SLC24A3: variants seen among roughly 807,000 people sequenced by gnomAD.
SLC24A3 encodes sodium/potassium/calcium exchanger 3.
A neutral mutation model predicts 75.8 loss-of-function variants in SLC24A3; 28 were observed. That is an observed-to-expected ratio of 0.37 (90% CI 0.27 to 0.51). The LOEUF (loss-of-function observed/expected upper bound fraction) is 0.51. Ranked by LOEUF, SLC24A3 falls within the 20% of genes least tolerant of loss-of-function variation. The pLI is 0.94. For synonymous variants in SLC24A3, 372 were observed against 334.1 expected (o/e 1.11, Z -1.24); for missense variants, 663 against 847.8 (o/e 0.78, Z 2.71).
chr20:19,608,408 T>C (rs111502128), intron 6 of SLC24A3, among the ~76,000 whole-genome samples: 2 of 152,252 alleles, frequency 1.3e-5, no homozygotes, highest in Non-Finnish European at 2.9e-5. Context: ...CCAAATGGAT[T>C]GTACAGACTT....
At chr20:19,683,388 A>G (rs1378907208) in intron 10 of SLC24A3, among the ~76,000 whole-genome samples, 1 of 152,360 alleles carries the variant, frequency 6.6e-6, no homozygotes, top group African/African-American at 2.4e-5. Flanking sequence ...CTGTGTGCAT[A>G]TACAGCTCAT....
chr20:19,470,305 A>C (rs1465190290), intron 2 of SLC24A3, among the ~76,000 whole-genome samples: 2 of 152,178 alleles, frequency 1.3e-5, no homozygotes, highest in Non-Finnish European at 2.9e-5. Context: ...TAGAGATAGG[A>C]GGCTACACAG....
At chr20:19,656,131 G>A (rs765398525) in intron 7 of SLC24A3, among the ~76,000 whole-genome samples, 1 of 152,144 alleles carries the variant, frequency 6.6e-6, no homozygotes, top group South Asian at 2.1e-4. Flanking sequence ...GAACATGAGG[G>A]TTGACGTGAG....
intron 6 of SLC24A3, among the ~76,000 whole-genome samples, chr20:19,586,468 T>C (rs2031297493): frequency 6.6e-6 from 1 of 152,132 alleles, no homozygotes; most frequent in African/African-American, 2.4e-5. Flanking sequence ...AACAGTGCAC[T>C]GTTCTCCTAG....
intron 2 of SLC24A3, among the ~76,000 whole-genome samples, chr20:19,407,631 A>G (rs1986671813): frequency 6.6e-6 from 1 of 152,272 alleles, no homozygotes; most frequent in Non-Finnish European, 1.5e-5. Flanking sequence ...ACATAGAAAG[A>G]AAAGAAAGGA....
chr20:19,304,977 T>A (rs1418752343), intron 2 of SLC24A3, among the ~76,000 whole-genome samples: 3 of 152,208 alleles, frequency 2.0e-5, no homozygotes, highest in African/African-American at 7.2e-5. Context: ...AGTTGTGTTC[T>A]AAATTTAACT....
rs554720513 is a variant in SLC24A3 at position 19,292,268 on chromosome 20, G to A, written c.271+11181G>A. ...ACCCACTTTGCAACAGTCCTGAGGG[G>A]TCCTGCAAACGGAGTCTCAGCTTGT... On this transcript the variant is annotated intron_variant, in intron 2 of 16. Transcript: ENST00000328041. Among the ~76,000 whole-genome samples the A allele has an allele frequency of 1.3e-4, 20 of 152,276 alleles. No individual in the cohort carries two copies. The South Asian group carries it at 3.7e-3, about 28-fold the overall frequency.
At chr20:19,335,352 T>C (rs1985106724) in intron 2 of SLC24A3, among the ~76,000 whole-genome samples, 2 of 152,224 alleles carry the variant, frequency 1.3e-5, no homozygotes, top group South Asian at 4.1e-4. Context: ...CAGATAGGAC[T>C]TTGTGTGCTC....
intron 7 of SLC24A3, among the ~76,000 whole-genome samples, chr20:19,657,037 G>A (rs11696164): frequency 0.33 from 49,677 of 152,068 alleles, 8,404 homozygotes; most frequent in African/African-American, 0.38. Context: ...AAACCCCAGA[G>A]CTGAGCTAGC....
intron 6 of SLC24A3, among the ~76,000 whole-genome samples, chr20:19,646,859 G>T (rs924983713): frequency 2.0e-5 from 3 of 151,996 alleles, no homozygotes; most frequent in Admixed American, 2.0e-4. Flanking sequence ...GTGCGTGTGT[G>T]TGTGTGTGTG....
chr20:19,684,894 A>G (rs1227303189), intron 11 of SLC24A3, among the ~76,000 whole-genome samples: 1 of 152,202 alleles, frequency 6.6e-6, no homozygotes, highest in African/African-American at 2.4e-5. Context: ...GCAAGTTCTG[A>G]TGGGTCATAA....
chr20:19,468,894 G>A (rs575144448), intron 2 of SLC24A3, among the ~76,000 whole-genome samples: 1 of 152,292 alleles, frequency 6.6e-6, no homozygotes, highest in East Asian at 1.9e-4. Flanking sequence ...CTTGTGGGCA[G>A]CCAGTGCAGT....
At chr20:19,545,930 C>A (rs559946905) in intron 3 of SLC24A3, among the ~76,000 whole-genome samples, 2 of 151,820 alleles carry the variant, frequency 1.3e-5, no homozygotes, top group Admixed American at 6.6e-5. Flanking sequence ...GAGGCCGAGG[C>A]GGGTGGATCA....
intron 2 of SLC24A3, among the ~76,000 whole-genome samples, chr20:19,380,544 C>T (rs140390040): frequency 2.6e-3 from 401 of 152,282 alleles, no homozygotes; most frequent in African/African-American, 9.1e-3. Flanking sequence ...ATTCAACCTC[C>T]GATGATGGCT....
Position 19,588,375 on chromosome 20 carries a change from G to T in SLC24A3, c.612+2831G>T, listed in dbSNP as rs559539296. On this transcript the variant is annotated intron_variant, in intron 6 of 16. Transcript: ENST00000328041. The stretch of plus-strand genomic sequence containing the variant: ...CGTGGGCCTCCCTCTATGAATTTCA[G>T]CATGGAGGGTTGCACATGACCAAGT... 2.4e-4 allele frequency among the ~76,000 whole-genome samples: 36 copies of T among 152,304 alleles called. No individual in the cohort carries two copies. In the South Asian group the frequency reaches 7.3e-3, roughly 31 times the overall value.
intron 2 of SLC24A3, among the ~76,000 whole-genome samples, chr20:19,357,847 G>A (rs1165370138): frequency 6.6e-6 from 1 of 152,276 alleles, no homozygotes; most frequent in African/African-American, 2.4e-5. Flanking sequence ...GAACCTGCTA[G>A]AGCACACTGG....
chr20:19,715,155 C>T (rs557287973), intron 15 of SLC24A3, among the ~76,000 whole-genome samples: 36 of 152,318 alleles, frequency 2.4e-4, no homozygotes, highest in African/African-American at 8.4e-4. Flanking sequence ...CTGAGGAGCC[C>T]ATCTCTCCCA....
At chr20:19,666,701 TG>T (rs1458623233) in intron 8 of SLC24A3, among the ~76,000 whole-genome samples, 1 of 151,130 alleles carries the variant, frequency 6.6e-6, no homozygotes, top group Non-Finnish European at 1.5e-5. Context: ...TTGCCCAAAT[TG>T]GCCCGGCATG....
At chr20:19,576,149 G>C (rs1197730785) in intron 3 of SLC24A3, among the ~76,000 whole-genome samples, 1 of 152,074 alleles carries the variant, frequency 6.6e-6, no homozygotes, top group Non-Finnish European at 1.5e-5. Context: ...AATATACCTG[G>C]AGCATGCCTG....
Sources: gnomAD v4.1 joint callset for allele counts (sites outside exome capture counted in the v4.1 genomes callset) on GRCh38, gnomAD v4.1.1 for gene constraint, MANE v1.5 for transcripts, NCBI Gene and HGNC (gene_info 2026-07-23, HGNC 2026-07-21) for gene names.